Variants in POLR3A observed in about 807,000 individuals in gnomAD.
The protein encoded by POLR3A is DNA-directed RNA polymerase III subunit RPC1.
Under a neutral mutation model 152.8 loss-of-function variants are expected in POLR3A, and 112 were observed. That is an observed-to-expected ratio of 0.73 (90% CI 0.63 to 0.86). POLR3A has a LOEUF of 0.86. Among genes scored for constraint, POLR3A ranks in the 40% least tolerant of loss-of-function variants. POLR3A has a pLI of 0.00. For synonymous variants in POLR3A, 615 were observed against 652.1 expected, an observed-to-expected ratio of 0.94 and a Z score of 0.87; for missense variants, 1,385 against 1,743.1, an observed-to-expected ratio of 0.79 and a Z score of 3.66.
intron 15 of POLR3A, among the ~76,000 whole-genome samples, chr10:78,007,153 A>G (rs1847419641): frequency 6.6e-6 from 1 of 152,224 alleles, no homozygotes; most frequent in Non-Finnish European, 1.5e-5. Flanking sequence ...AAGCAAGAAG[A>G]AAGTAGAGCA....
intron 29 of POLR3A, among the ~76,000 whole-genome samples, chr10:77,980,958 G>A (rs1847135177): frequency 6.6e-6 from 1 of 151,056 alleles, no homozygotes; most frequent in African/African-American, 2.4e-5. Flanking sequence ...CGTTTTTTTT[G>A]GAAAAGAGAG....
At chr10:78,014,639 A>G (rs1847501819) in intron 10 of POLR3A, among the ~76,000 whole-genome samples, 1 of 152,046 alleles carries the variant, frequency 6.6e-6, no homozygotes, top group South Asian at 2.1e-4. Context: ...TCCTGACCTC[A>G]TGATCCGCCC....
chr10:77,995,861 C>T (rs1223096061), intron 19 of POLR3A, among the ~76,000 whole-genome samples: 3 of 152,166 alleles, frequency 2.0e-5, no homozygotes, highest in African/African-American at 4.8e-5. Context: ...AATATACATT[C>T]TTTTCAGCAC....
At chr10:77,980,449 G>C (rs888912696) in intron 29 of POLR3A, among the ~76,000 whole-genome samples, 176 bp from the exon 30 acceptor site, 4 of 152,152 alleles carry the variant, frequency 2.6e-5, no homozygotes, top group Non-Finnish European at 5.9e-5. Context: ...GTGGTCAATC[G>C]TCGGCAACAT....
At chr10:77,981,268 C>T (rs1179682051) in intron 29 of POLR3A, among the ~76,000 whole-genome samples, 160 bp downstream of exon 29, 1 of 152,194 alleles carries the variant, frequency 6.6e-6, no homozygotes, top group African/African-American at 2.4e-5. Context: ...TCAGCCTGAC[C>T]AGCATACTTT....
rs749909871 is a variant in POLR3A at position 78,004,781 on chromosome 10, T to C, written c.2182A>G (p.Ile728Val). The change falls in exon 16 of 31, where the codon ATC becomes GTC. Residue 728 changes from isoleucine to valine, a missense_variant. Coordinates refer to ENST00000372371, the MANE Select transcript of POLR3A (RefSeq NM_007055.4). The part of the protein sequence containing the change: ...NAGYKKCDEY[I>V]EALNTGKLQQ... ...AGCTTGCCCGTGTTCAGGGCTTCGA[T>C]GTACTCATCACATTTCTTGTAGCCG... is the stretch of plus-strand genomic sequence containing the variant. The C allele has an allele frequency of 1.9e-6, 3 of 1,614,036 alleles. No individual in the cohort carries two copies. Among genetic ancestry groups the C allele is most frequent in the South Asian group, 1.1e-5 (1 of 91,082 alleles).
intron 10 of POLR3A, among the ~76,000 whole-genome samples, chr10:78,014,512 G>A (rs1289929803): frequency 6.6e-6 from 1 of 152,036 alleles, no homozygotes; most frequent in Non-Finnish European, 1.5e-5. Flanking sequence ...TGTCTCCCGG[G>A]TTCAAGCAAT....
chr10:77,982,437 G>C (rs779505186), intron 27 of POLR3A, 119 bp from the exon 28 acceptor site: 2 of 1,051,288 alleles, frequency 1.9e-6, no homozygotes, highest in Non-Finnish European at 3.0e-6. Context: ...CTAGTTTTAG[G>C]GATAAGGGAG....
intron 26 of POLR3A, among the ~76,000 whole-genome samples, chr10:77,983,174 T>C (rs1258126358): frequency 6.6e-6 from 1 of 152,174 alleles, no homozygotes; most frequent in Non-Finnish European, 1.5e-5. Flanking sequence ...ACCTGACACT[T>C]TCACAATGGT....
At chr10:77,997,987 G>A (rs557914466) in intron 19 of POLR3A, among the ~76,000 whole-genome samples, 6 of 152,210 alleles carry the variant, frequency 3.9e-5, no homozygotes, top group African/African-American at 1.4e-4. Context: ...AGAGCCCTCA[G>A]AAATAATGCC....
rs746937114 is a variant in POLR3A at position 78,017,733 on chromosome 10, A to C, written c.1290-17T>G. On this transcript the variant is annotated splice_polypyrimidine_tract_variant and intron_variant, in intron 9 of 30. Coordinates refer to ENST00000372371, the MANE Select transcript of POLR3A (RefSeq NM_007055.4). ...TTCAAAAACCTGAATGTGCAACAAT[A>C]AACATGATCTGTGAAAGCAAAGTTC... 1 of 1,614,030 alleles carries C rather than the reference A, an allele frequency of 6.2e-7. No individual in the cohort carries two copies. Among genetic ancestry groups the C allele is most frequent in the South Asian group, 1.1e-5 (1 of 91,092 alleles).
intron 3 of POLR3A, 107 bp from the exon 4 acceptor site, chr10:78,025,249 TAC>T: frequency 8.6e-7 from 1 of 1,164,892 alleles, no homozygotes; most frequent in South Asian, 1.3e-5. Flanking sequence ...CGTGACCATA[TAC>T]ACAGATCTGC....
At chr10:77,997,962 C>T (rs1847318600) in intron 19 of POLR3A, among the ~76,000 whole-genome samples, 1 of 152,070 alleles carries the variant, frequency 6.6e-6, no homozygotes. Context: ...GAGATATAGA[C>T]CAGTGGAACA....
intron 12 of POLR3A, 151 bp from the exon 13 acceptor site, chr10:78,010,142 T>C: frequency 9.8e-7 from 1 of 1,025,038 alleles, no homozygotes; most frequent in Non-Finnish European, 1.4e-6. Flanking sequence ...AACTAGGATC[T>C]ACCTCCACAG....
intron 11 of POLR3A, among the ~76,000 whole-genome samples, chr10:78,012,505 T>TA (rs1847476156): frequency 6.6e-6 from 1 of 152,036 alleles, no homozygotes; most frequent in South Asian, 2.1e-4. Flanking sequence ...GAAATGGTAA[T>TA]AAGTGATTTT....
intron 4 of POLR3A, 86 bp downstream of exon 4, chr10:78,024,885 C>T: frequency 1.3e-6 from 2 of 1,540,944 alleles, no homozygotes. Flanking sequence ...AAAGCTGACT[C>T]CCGAACATTA....
intron 26 of POLR3A, 85 bp downstream of exon 26, chr10:77,983,835 T>C: frequency 1.2e-6 from 1 of 829,076 alleles, no homozygotes; most frequent in Admixed American, 1.9e-5. Context: ...TTCCTCTGTC[T>C]TGCTTAGCTC....
chr10:78,025,601 A>G, intron 3 of POLR3A, 21 bp downstream of exon 3: 1 of 1,613,734 alleles, frequency 6.2e-7, no homozygotes, highest in Non-Finnish European at 8.5e-7. Context: ...ATGTCTTGGA[A>G]ATCAGCACCT....
In POLR3A at chr10:78,010,455, A is replaced by G. The variant is rs1847456342; in HGVS notation, c.1642+16T>C. On this transcript the variant is annotated intron_variant, in intron 12 of 30. Transcript: ENST00000372371. Reference sequence around the variant, plus strand: ...CCAGTCAGAAATCTCCTTTCAAGTGAACTTCACCAACCTACCTGTTAGAAA... The same window carrying G: ...CCAGTCAGAAATCTCCTTTCAAGTGGACTTCACCAACCTACCTGTTAGAAA... 2 of 1,590,904 alleles carry G rather than the reference A, an allele frequency of 1.3e-6. No homozygotes were observed. The highest frequency in any genetic ancestry group is 1.7e-5 in the Admixed American group (1 of 59,976).
Sources: gnomAD v4.1 joint callset for allele counts (sites outside exome capture counted in the v4.1 genomes callset) on GRCh38, gnomAD v4.1.1 for gene constraint, MANE v1.5 for transcripts, NCBI Gene and HGNC (gene_info 2026-07-23, HGNC 2026-07-21) for gene names.